Variants in CNTNAP3 observed in about 807,000 individuals in gnomAD.
CNTNAP3 encodes contactin associated protein family member 3.
A neutral mutation model predicts 92.1 loss-of-function variants in CNTNAP3; 36 were observed. The observed-to-expected ratio is 0.39, with a 90% CI of 0.30 to 0.52. The LOEUF (loss-of-function observed/expected upper bound fraction) is 0.52, where lower values mean the gene tolerates loss of function less well. Ranked by LOEUF, CNTNAP3 falls within the 20% of genes least tolerant of loss-of-function variation. The pLI is 0.76. For missense variants in CNTNAP3, 534 were observed against 1,069.6 expected (o/e 0.50, Z 6.98); for synonymous variants, 232 against 422.3 (o/e 0.55, Z 5.53).
intron 11 of CNTNAP3, among the ~76,000 whole-genome samples, chr9:39,142,087 G>C (rs1156756582): frequency 1.3e-5 from 2 of 152,054 alleles, no homozygotes; most frequent in African/African-American, 4.8e-5. Context: ...TCAATCTCCT[G>C]ATATTTTCCC....
At chr9:39,152,025 GA>G (rs1204542297) in intron 9 of CNTNAP3, among the ~76,000 whole-genome samples, 2 of 144,124 alleles carry the variant, frequency 1.4e-5, no homozygotes, top group Non-Finnish European at 3.1e-5. Flanking sequence ...TCACTAAAAT[GA>G]AAAAAATGAA....
rs1227753900 is a variant in CNTNAP3 at position 39,132,964 on chromosome 9, C to T, written c.2048G>A (p.Arg683His). 1.9e-6 allele frequency: 3 copies of T among 1,548,570 alleles called. No individual in the cohort carries two copies. The highest frequency in any genetic ancestry group is 2.8e-5 in the African/African-American group (2 of 72,236). Residue 683 changes from arginine to histidine, a missense_variant, in exon 13 of 24, where the codon CGC becomes CAC. Physicochemically the swap from Arg to His is conservative, Grantham distance 29. Coordinates refer to ENST00000297668, the MANE Select transcript of CNTNAP3 (RefSeq NM_033655.5). ...AERCEQRLAL[R>H]CGTARRPDSR... ...GTCCGGGCGCCGCGCCGTCCCGCAG[C>T]GCAGAGCCAGCCGCTGCTCGCAGCG...
chr9:39,138,691 G>T (rs551869283), intron 12 of CNTNAP3, among the ~76,000 whole-genome samples: 1 of 152,222 alleles, frequency 6.6e-6, no homozygotes, highest in African/African-American at 2.4e-5. Flanking sequence ...CTCTGTCTGG[G>T]TCTTCCTGGA....
chr9:39,109,308 C>G lies in CNTNAP3; in HGVS notation c.2238-21G>C, dbSNP rs747175944. 15 of 1,610,184 alleles carry G rather than the reference C, an allele frequency of 9.3e-6. No individual in the cohort carries two copies. In the African/African-American group the frequency reaches 1.2e-4, roughly 13 times the overall value. On this transcript the variant is annotated intron_variant, in intron 14 of 23. Coordinates refer to ENST00000297668, the MANE Select transcript of CNTNAP3 (RefSeq NM_033655.5). ...TAGTCCTAAAGAACAACAACCGAAA[C>G]CATTAAAATTATTCTGATTAACATA... is the stretch of plus-strand genomic sequence containing the variant.
intron 12 of CNTNAP3, among the ~76,000 whole-genome samples, chr9:39,136,882 G>C (rs1193425810): frequency 6.6e-6 from 1 of 152,266 alleles, no homozygotes; most frequent in South Asian, 2.1e-4. Flanking sequence ...CCTGGGCAAT[G>C]AGAGTAAAAC....
intron 15 of CNTNAP3, among the ~76,000 whole-genome samples, chr9:39,105,428 A>AAAACAAAC (rs538319512): frequency 1.3e-5 from 2 of 152,160 alleles, no homozygotes; most frequent in African/African-American, 4.8e-5. Flanking sequence ...CTCCATCTCA[A>AAAACAAAC]AAACAAACAA....
At chr9:39,143,822 A>G (rs868664112) in intron 11 of CNTNAP3, among the ~76,000 whole-genome samples, 3 of 152,160 alleles carry the variant, frequency 2.0e-5, no homozygotes, top group African/African-American at 7.2e-5. Context: ...AAATCTTTAA[A>G]TACCTTAAAT....
chr9:39,108,214 G>A (rs1466387639), intron 15 of CNTNAP3, among the ~76,000 whole-genome samples: 1 of 119,070 alleles, frequency 8.4e-6, no homozygotes, highest in Non-Finnish European at 1.8e-5. Context: ...CTGCATCTCA[G>A]ATGAGGAGCC....
intron 21 of CNTNAP3, among the ~76,000 whole-genome samples, chr9:39,083,514 C>A (rs141928928): frequency 0.018 from 2,680 of 151,892 alleles, 37 homozygotes; most frequent in Middle Eastern, 0.062. Context: ...CAAAAATTAG[C>A]CAGGCGTGGT....
intron 8 of CNTNAP3, among the ~76,000 whole-genome samples, chr9:39,168,441 C>T: frequency 1.1e-5 from 1 of 90,162 alleles, no homozygotes; most frequent in African/African-American, 4.2e-5. Context: ...CTTCCTGGTT[C>T]CTCTACCCCA....
intron 13 of CNTNAP3, among the ~76,000 whole-genome samples, chr9:39,123,091 ATT>A (rs773238134): frequency 2.6e-4 from 34 of 129,796 alleles, no homozygotes; most frequent in African/African-American, 4.9e-4. Flanking sequence ...TTGGACAATA[ATT>A]TTTTTTTTTT....
In CNTNAP3 at chr9:39,066,404, T is replaced by C. The variant is rs1825510011; in HGVS notation, c.*7486A>G. 6.6e-6 allele frequency among the ~76,000 whole-genome samples: 1 copy of C among 152,168 alleles called. No individual in the cohort carries two copies. Among genetic ancestry groups the C allele is most frequent in the African/African-American group, 2.4e-5 (1 of 41,438 alleles). ...ATTTAAGTAATAAGGGCAGGTATTG[T>C]ATATTTACTTATGGTGTTACTATTG... On this transcript the variant is annotated 3_prime_UTR_variant, in exon 24 of 24. Transcript: ENST00000297668.
At chr9:39,121,396 G>A (rs1821015230) in intron 13 of CNTNAP3, among the ~76,000 whole-genome samples, 1 of 152,100 alleles carries the variant, frequency 6.6e-6, no homozygotes, top group African/African-American at 2.4e-5. Flanking sequence ...CAAAAATTGA[G>A]ACTTCTGGTT....
At chr9:39,140,782 G>C in intron 11 of CNTNAP3, 144 bp from the exon 12 acceptor site, 1 of 1,233,012 alleles carries the variant, frequency 8.1e-7, no homozygotes, top group Non-Finnish European at 1.0e-6. Flanking sequence ...TATATTTGAT[G>C]AGATGCAAAA....
intron 13 of CNTNAP3, among the ~76,000 whole-genome samples, chr9:39,119,781 A>G (rs1172468320): frequency 6.6e-6 from 1 of 152,188 alleles, no homozygotes; most frequent in African/African-American, 2.4e-5. Context: ...AAAGGTAGAA[A>G]GAGGAAGCTT....
chr9:39,142,780 C>T (rs1477989965), intron 11 of CNTNAP3, among the ~76,000 whole-genome samples: 1 of 152,130 alleles, frequency 6.6e-6, no homozygotes, highest in Non-Finnish European at 1.5e-5. Context: ...TGGACTGTCT[C>T]CTCTTTTGCC....
intron 14 of CNTNAP3, among the ~76,000 whole-genome samples, chr9:39,110,616 A>G (rs1826722555): frequency 1.3e-5 from 2 of 152,132 alleles, no homozygotes; most frequent in Non-Finnish European, 2.9e-5. Context: ...AGGATCCCCT[A>G]GGGGAACCTG....
Position 39,096,324 on chromosome 9 carries a change from G to A in CNTNAP3, c.2995+3587C>T, listed in dbSNP as rs567218997. ...TTATATCCCTTCAACCTGAAGGAAC[G>A]TTCTTTGTTATTTCCTCTAATGCAG... On this transcript the variant is annotated intron_variant, in intron 18 of 23. Transcript: ENST00000297668. Among the ~76,000 whole-genome samples the A allele has an allele frequency of 5.4e-5, 8 of 146,960 alleles. No individual in the cohort carries two copies. The Middle Eastern group carries it at 0.01, about 191-fold the overall frequency.
chr9:39,074,338 G>C (rs571329259), intron 23 of CNTNAP3, among the ~76,000 whole-genome samples: 2 of 150,964 alleles, frequency 1.3e-5, no homozygotes, highest in African/African-American at 4.9e-5. Flanking sequence ...CTCAATGTCA[G>C]AGTATAAATG....
Sources: gnomAD v4.1 joint callset for allele counts (sites outside exome capture counted in the v4.1 genomes callset) on GRCh38, gnomAD v4.1.1 for gene constraint, MANE v1.5 for transcripts, NCBI Gene and HGNC (gene_info 2026-07-23, HGNC 2026-07-21) for gene names.